Variants in GRIN3A observed in about 807,000 individuals in gnomAD.
GRIN3A encodes glutamate receptor ionotropic, NMDA 3A.
In GRIN3A, 47 loss-of-function variants were observed where a neutral mutation model predicts 92.4. The observed-to-expected ratio is 0.51, with a 90% CI of 0.40 to 0.65. The LOEUF (loss-of-function observed/expected upper bound fraction) is 0.65, where lower values mean the gene tolerates loss of function less well. GRIN3A is among the 30% of genes least tolerant of loss of function. The pLI is 0.00. For synonymous variants in GRIN3A, 527 were observed against 540.6 expected, an observed-to-expected ratio of 0.97 and a Z score of 0.35; for missense variants, 1,324 against 1,393.1, an observed-to-expected ratio of 0.95 and a Z score of 0.79.
chr9:101,574,239 A>G (rs1827798849), intron 8 of GRIN3A, among the ~76,000 whole-genome samples: 1 of 152,218 alleles, frequency 6.6e-6, no homozygotes, highest in South Asian at 2.1e-4. Flanking sequence ...AGAGATGGCT[A>G]TAGACAGCAT....
In GRIN3A at chr9:101,670,070, T is replaced by C. The variant is rs1829296254; in HGVS notation, c.2342A>G (p.His781Arg). 1 of 1,611,590 alleles carries C rather than the reference T, an allele frequency of 6.2e-7. No individual in the cohort carries two copies. Among genetic ancestry groups the C allele is most frequent in the Non-Finnish European group, 8.5e-7 (1 of 1,177,932 alleles). Residue 781 changes from histidine to arginine, a missense_variant, in exon 3 of 9, where the codon CAT (histidine) becomes CGT (arginine). Coordinates refer to ENST00000361820, the MANE Select transcript of GRIN3A (RefSeq NM_133445.3). ...EKIYEELSGI[H>R]DPKLHHPSQG... The stretch of plus-strand genomic sequence containing the variant: ...AAAATGAAGTATTACCTTGGGGTCA[T>C]GTATTCCAGAAAGCTCTTCATAGAT...
chr9:101,623,786 T>C (rs1410433501), intron 4 of GRIN3A, among the ~76,000 whole-genome samples: 1 of 152,262 alleles, frequency 6.6e-6, no homozygotes, highest in East Asian at 1.9e-4. Flanking sequence ...TTGTTAGGCA[T>C]TGCATTCATT....
intron 2 of GRIN3A, among the ~76,000 whole-genome samples, chr9:101,676,653 C>G (rs1013817008): frequency 6.6e-6 from 1 of 151,944 alleles, no homozygotes; most frequent in Non-Finnish European, 1.5e-5. Flanking sequence ...CTCAAACTCC[C>G]TTCCTACCAG....
chr9:101,614,308 A>C (rs1828408844), intron 5 of GRIN3A, among the ~76,000 whole-genome samples: 1 of 152,216 alleles, frequency 6.6e-6, no homozygotes, highest in Non-Finnish European at 1.5e-5. Flanking sequence ...GATACGTACA[A>C]AAATGTTCTT....
intron 3 of GRIN3A, among the ~76,000 whole-genome samples, chr9:101,663,868 T>C (rs1829206734): frequency 3.1e-5 from 3 of 95,420 alleles, no homozygotes; most frequent in African/African-American, 6.8e-5. Context: ...TCTTTTTCTT[T>C]TTTTTTTTTT....
At chr9:101,657,878 G>GC (rs1662707388) in intron 3 of GRIN3A, among the ~76,000 whole-genome samples, 1 of 151,936 alleles carries the variant, frequency 6.6e-6, no homozygotes, top group African/African-American at 2.4e-5. Flanking sequence ...ATTCCTGCCT[G>GC]CATCTGTGTC....
At chr9:101,578,978 G>T (rs970652844) in intron 7 of GRIN3A, among the ~76,000 whole-genome samples, 2 of 152,162 alleles carry the variant, frequency 1.3e-5, no homozygotes, top group African/African-American at 4.8e-5. Flanking sequence ...AACAGTGGAG[G>T]GTTATAGGAA....
At chr9:101,595,639 G>A (rs1049353258) in intron 6 of GRIN3A, among the ~76,000 whole-genome samples, 5 of 152,156 alleles carry the variant, frequency 3.3e-5, no homozygotes, top group African/African-American at 1.2e-4. Context: ...GGCAGATACC[G>A]CGCAGAATTT....
chr9:101,600,693 C>T (rs1048448924), intron 6 of GRIN3A, among the ~76,000 whole-genome samples: 1 of 152,078 alleles, frequency 6.6e-6, no homozygotes, highest in Non-Finnish European at 1.5e-5. Context: ...GTAGGAGGAA[C>T]TGAAAGAATG....
chr9:101,639,266 G>A (rs1336754851), intron 3 of GRIN3A, among the ~76,000 whole-genome samples: 1 of 152,008 alleles, frequency 6.6e-6, no homozygotes, highest in Non-Finnish European at 1.5e-5. Context: ...CTTAAGATGT[G>A]ATTTCACTGT....
chr9:101,659,829 A>C (rs531587710), intron 3 of GRIN3A, among the ~76,000 whole-genome samples: 1 of 152,024 alleles, frequency 6.6e-6, no homozygotes, highest in African/African-American at 2.4e-5. Context: ...TCTATTTGAA[A>C]GTAATACAAC....
In GRIN3A at chr9:101,569,833, C is replaced by G. The variant is rs567709814; in HGVS notation, c.*3341G>C. 42 of 152,214 alleles carry G rather than the reference C, an allele frequency of 2.8e-4. No individual in the cohort carries two copies. The highest frequency in any genetic ancestry group is 9.9e-4 in the African/African-American group (41 of 41,530). 9.4% of individuals were successfully genotyped at this position (152,214 alleles called of 1,614,324 possible). A position where few individuals can be genotyped will look rare whatever the true frequency, so the allele number is the denominator to read the frequency against. On this transcript the variant is annotated 3_prime_UTR_variant, in exon 9 of 9. Transcript: ENST00000361820. ...CTTTCCCCTTTATTCTTTACCCACACCAAGGAAGTGCTTAACTTGCTCTAA... is the reference window on the plus strand; with the variant it reads ...CTTTCCCCTTTATTCTTTACCCACAGCAAGGAAGTGCTTAACTTGCTCTAA...
At chr9:101,688,794 G>A (rs1174341548) in intron 1 of GRIN3A, among the ~76,000 whole-genome samples, 5 of 151,982 alleles carry the variant, frequency 3.3e-5, no homozygotes, top group Admixed American at 3.3e-4. Flanking sequence ...CTTGAACCTG[G>A]GAGATGGAGG....
chr9:101,617,428 C>G (rs1020932346), intron 5 of GRIN3A, among the ~76,000 whole-genome samples: 4 of 151,600 alleles, frequency 2.6e-5, no homozygotes, highest in Non-Finnish European at 5.9e-5. Flanking sequence ...GTTAAGATTC[C>G]CTAATGAAAA....
At chr9:101,724,391 G>A (rs1342828562) in intron 1 of GRIN3A, among the ~76,000 whole-genome samples, 1 of 152,274 alleles carries the variant, frequency 6.6e-6, no homozygotes, top group Non-Finnish European at 1.5e-5. Flanking sequence ...GGCCGGCAGG[G>A]CCGGCCCGCT....
At chr9:101,624,382 A>T (rs1308929635) in intron 4 of GRIN3A, among the ~76,000 whole-genome samples, 1 of 50,484 alleles carries the variant, frequency 2.0e-5, no homozygotes, top group African/African-American at 7.9e-5. Context: ...CCCTCCCCCC[A>T]CCCCACAACA....
chr9:101,698,001 TA>T (rs759810880), intron 1 of GRIN3A, among the ~76,000 whole-genome samples: 2 of 152,330 alleles, frequency 1.3e-5, no homozygotes, highest in Non-Finnish European at 2.9e-5. Context: ...AAGCCACACA[TA>T]ATTGCCATTT....
intron 6 of GRIN3A, among the ~76,000 whole-genome samples, chr9:101,607,165 A>C (rs576742996): frequency 6.6e-6 from 1 of 152,066 alleles, no homozygotes. Context: ...AGGAAAAAAA[A>C]AAAAGTGAGT....
chr9:101,665,328 G>C (rs1265969577), intron 3 of GRIN3A, among the ~76,000 whole-genome samples: 1 of 151,830 alleles, frequency 6.6e-6, no homozygotes, highest in Non-Finnish European at 1.5e-5. Flanking sequence ...GACTTGGAGA[G>C]ATTATCTCAA....
Sources: gnomAD v4.1 joint callset for allele counts (sites outside exome capture counted in the v4.1 genomes callset) on GRCh38, gnomAD v4.1.1 for gene constraint, MANE v1.5 for transcripts, NCBI Gene and HGNC (gene_info 2026-07-23, HGNC 2026-07-21) for gene names.